Variants in AMZ2 observed in about 807,000 individuals in gnomAD.
AMZ2 encodes the protein archaemetzincin-2.
A neutral mutation model predicts 36.7 loss-of-function variants in AMZ2; 26 were observed. The ratio of observed to expected loss-of-function variants is 0.71; its 90% CI spans 0.52 to 0.98. AMZ2 has a LOEUF of 0.98. Among genes scored for constraint, AMZ2 ranks in the 50% least tolerant of loss-of-function variants. The pLI, the probability that AMZ2 is intolerant of heterozygous loss-of-function variation, is 0.00. For synonymous variants in AMZ2, 144 were observed against 149.1 expected (o/e 0.97, Z 0.25); for missense variants, 394 against 430.5 (o/e 0.92, Z 0.75).
upstream of AMZ2, chr17:68,247,324 A>C (rs2074063607): frequency 7.0e-6 from 1 of 143,178 alleles, no homozygotes; most frequent in Non-Finnish European, 1.5e-5. Context: ...CAACAGAGCA[A>C]GACTCCGTCT....
chr17:68,228,851 C>T (rs1555730521), intron 1 of AMZ2, among the ~76,000 whole-genome samples: 2 of 152,270 alleles, frequency 1.3e-5, no homozygotes, highest in Non-Finnish European at 2.9e-5. Flanking sequence ...AAGCAGCCTA[C>T]ATCCACAGCG....
chr17:68,219,415 G>A (rs564968592), intron 1 of AMZ2, among the ~76,000 whole-genome samples: 3 of 152,284 alleles, frequency 2.0e-5, no homozygotes, highest in African/African-American at 7.2e-5. Context: ...CCAGTTCAAG[G>A]GAGGATATCC....
Position 68,216,766 on chromosome 17 carries a change from C to T in AMZ2, c.-67+10528C>T, listed in dbSNP as rs575699185. The stretch of plus-strand genomic sequence containing the variant: ...AATCTTTAGGCCGGGCACGGTGGCT[C>T]ACGCCTGTAATCCCAGCACTTCGGG... On this transcript the variant is annotated intron_variant, in intron 1 of 7. Coordinates refer to the AMZ2 transcript ENST00000674770. 3.3e-5 allele frequency among the ~76,000 whole-genome samples: 5 copies of T among 152,236 alleles called. No individual in the cohort carries two copies. In the East Asian group the frequency reaches 9.7e-4, roughly 29 times the overall value.
intron 1 of AMZ2, among the ~76,000 whole-genome samples, chr17:68,241,012 A>G (rs1333847476): frequency 6.6e-5 from 10 of 152,214 alleles, no homozygotes; most frequent in African/African-American, 2.4e-4. Context: ...AAAGAGGAAG[A>G]CACAGAATTT....
At chr17:68,213,453 G>A (rs2073116716) in intron 1 of AMZ2, among the ~76,000 whole-genome samples, 3 of 152,348 alleles carry the variant, frequency 2.0e-5, no homozygotes, top group African/African-American at 7.2e-5. Flanking sequence ...AAATCTGGTA[G>A]GATGAAATGA....
At chr17:68,229,214 A>T (rs1321031602) in intron 1 of AMZ2, among the ~76,000 whole-genome samples, 1 of 152,130 alleles carries the variant, frequency 6.6e-6, no homozygotes, top group Non-Finnish European at 1.5e-5. Flanking sequence ...GGTAGCCCTG[A>T]TTCCATGGCA....
rs1555737399 is a variant in AMZ2 at position 68,248,821 on chromosome 17, A to T, written c.-1+116A>T. The T allele has an allele frequency of 3.1e-6, 3 of 956,042 alleles. No individual in the cohort carries two copies. The South Asian group carries it at 1.5e-4, about 47-fold the overall frequency. 59.2% of individuals were successfully genotyped at this position (956,042 alleles called of 1,614,324 possible). A position where few individuals can be genotyped will look rare whatever the true frequency, so the allele number is the denominator to read the frequency against. ...CTATGCTTATATCAGAGCTTTGAGT[A>T]CAGAGACATTTGGTCTGGAATTTTA... is the stretch of plus-strand genomic sequence containing the variant. On this transcript the variant is annotated intron_variant, in intron 1 of 6. Transcript: ENST00000359904.
Position 68,231,545 on chromosome 17 carries a change from GA to G in AMZ2, c.-66-17094del. ...TTTTTCCATCAAATATAAACTTAAA[GA>G]GAATTTTTCTGCAAGTCTTCTCCCA... is the stretch of plus-strand genomic sequence containing the variant. On this transcript the variant is annotated intron_variant, in intron 1 of 7. Coordinates refer to the AMZ2 transcript ENST00000674770. Among the ~76,000 whole-genome samples the G allele has an allele frequency of 3.3e-5, 2 of 60,324 alleles. 1 individual carries two copies. The highest frequency in any genetic ancestry group is 3.9e-4 in the Admixed American group (2 of 5,146). 39.6% of individuals were successfully genotyped at this position (60,324 alleles called of 152,430 possible). A position where few individuals can be genotyped will look rare whatever the true frequency, so the allele number is the denominator to read the frequency against.
rs1245310893 is a variant in AMZ2, at chr17:68,214,642, T to C, written c.-67+8404T>C. Among the ~76,000 whole-genome samples the C allele has an allele frequency of 1.2e-4, 18 of 152,150 alleles. 1 individual carries two copies. The highest frequency in any genetic ancestry group is 3.4e-4 in the African/African-American group (14 of 41,442). On this transcript the variant is annotated intron_variant, in intron 1 of 7. Coordinates refer to the AMZ2 transcript ENST00000674770. ...CCTTGTTATCATTGCGTTTTGAGGA[T>C]TGTGTTCTCAACTTCACCTTCCTTT...
chr17:68,226,651 T>G (rs1422087547), intron 1 of AMZ2, among the ~76,000 whole-genome samples: 1 of 152,148 alleles, frequency 6.6e-6, no homozygotes, highest in Non-Finnish European at 1.5e-5. Flanking sequence ...CCACCTCTGG[T>G]GGAGGGCAGG....
chr17:68,207,320 C>CCCCCG (rs1555724657), intron 1 of AMZ2: 1 of 140,734 alleles, frequency 7.1e-6, no homozygotes, highest in Non-Finnish European at 1.5e-5. Flanking sequence ...AATACCCCCC[C>CCCCCG]CCCACAAAGG....
At chr17:68,227,966 G>A (rs1337739753) in intron 1 of AMZ2, among the ~76,000 whole-genome samples, 1 of 152,122 alleles carries the variant, frequency 6.6e-6, no homozygotes, top group Non-Finnish European at 1.5e-5. Flanking sequence ...GGGGATCAGG[G>A]TGTGGATATA....
At chr17:68,238,618 G>C (rs1173532220) in intron 1 of AMZ2, among the ~76,000 whole-genome samples, 3 of 148,496 alleles carry the variant, frequency 2.0e-5, no homozygotes, top group Non-Finnish European at 4.5e-5. Flanking sequence ...GATTGTGGTA[G>C]CTTTTGGAAA....
chr17:68,219,378 T>C (rs1320317102), intron 1 of AMZ2, among the ~76,000 whole-genome samples: 2 of 152,238 alleles, frequency 1.3e-5, no homozygotes, highest in African/African-American at 2.4e-5. Flanking sequence ...GTTTGCCACA[T>C]GGCAAATCCT....
intron 1 of AMZ2, among the ~76,000 whole-genome samples, chr17:68,236,099 G>T (rs186842252): frequency 1.3e-5 from 2 of 152,018 alleles, no homozygotes; most frequent in East Asian, 3.9e-4. Flanking sequence ...CAAAGTGCTG[G>T]GATTACAGGA....
chr17:68,257,100 A>G lies in AMZ2; in HGVS notation c.*131A>G. 1.1e-6 allele frequency: 1 copy of G among 878,748 alleles called. No individual in the cohort carries two copies. The highest frequency in any genetic ancestry group is 1.7e-6 in the Non-Finnish European group (1 of 598,290). The allele number at this position is 878,748 out of a possible 1,614,324, so 54.4% of individuals were successfully genotyped here. ...AAGTAACAGACTAGAACCTTCTTTC[A>G]AGTACCTGAATTGAAATGAAACTCA... On this transcript the variant is annotated 3_prime_UTR_variant, in exon 7 of 7. Transcript: ENST00000359904.
chr17:68,250,306 C>A lies in AMZ2; in HGVS notation c.119C>A (p.Ala40Asp), dbSNP rs369804773. 4.3e-6 allele frequency: 7 copies of A among 1,614,026 alleles called. No homozygotes were observed. The highest frequency in any genetic ancestry group is 1.1e-5 in the South Asian group (1 of 91,090). ...NAGEQRLMNE[A>D]FQPASDLFGP... ...GGGGAACAACGTTTAATGAATGAAG[C>A]CTTCCAGCCAGCCAGTGATCTCTTT... Residue 40 changes from alanine to aspartate, a missense_variant, in exon 2 of 7, where the codon GCC becomes GAC. Coordinates refer to ENST00000359904, the MANE Select transcript of AMZ2 (RefSeq NM_016627.5).
intron 1 of AMZ2, among the ~76,000 whole-genome samples, chr17:68,216,610 T>C (rs1387572636): frequency 6.6e-6 from 1 of 152,240 alleles, no homozygotes; most frequent in Non-Finnish European, 1.5e-5. Flanking sequence ...TACTGTAGTC[T>C]ATAGAGTTTT....
At chr17:68,213,674 G>A (rs2073123525) in intron 1 of AMZ2, among the ~76,000 whole-genome samples, 1 of 152,192 alleles carries the variant, frequency 6.6e-6, no homozygotes, top group African/African-American at 2.4e-5. Flanking sequence ...TCTGGCAATT[G>A]TGTTTGATTC....
Sources: allele counts gnomAD v4.1 joint callset (sites outside exome capture counted in the v4.1 genomes callset), GRCh38; gene constraint gnomAD v4.1.1; transcripts MANE v1.5; gene names NCBI Gene and HGNC (gene_info 2026-07-23, HGNC 2026-07-21).